Variants in ARHGEF26 observed in about 807,000 individuals in gnomAD.
ARHGEF26 encodes the protein Rho guanine nucleotide exchange factor (GEF) 26.
In ARHGEF26, 59 loss-of-function variants were observed where a neutral mutation model predicts 89.4. The observed-to-expected ratio is 0.66, with a 90% CI of 0.54 to 0.82. ARHGEF26 has a LOEUF of 0.82. Among genes scored for constraint, ARHGEF26 ranks in the 40% least tolerant of loss-of-function variants. ARHGEF26 has a pLI of 0.00. For missense variants in ARHGEF26, 1,234 were observed against 1,085.6 expected, an observed-to-expected ratio of 1.14 and a Z score of -1.92; for synonymous variants, 500 against 428.4, an observed-to-expected ratio of 1.17 and a Z score of -2.06.
chr3:154,224,612 C>T (rs1014843909), intron 10 of ARHGEF26, among the ~76,000 whole-genome samples: 1 of 152,160 alleles, frequency 6.6e-6, no homozygotes, highest in Non-Finnish European at 1.5e-5. Flanking sequence ...TATGTGCTGC[C>T]TAGTCTGCCG....
chr3:154,235,651 G>A (rs357501), intron 11 of ARHGEF26, among the ~76,000 whole-genome samples: 60,576 of 151,978 alleles, frequency 0.4, 12,110 homozygotes, highest in Admixed American at 0.41. Context: ...ACTTTTACTT[G>A]TAAAATGGTT....
In ARHGEF26 at chr3:154,255,989, T is replaced by G. The variant is rs1202052133; in HGVS notation, c.*516T>G. On this transcript the variant is annotated 3_prime_UTR_variant, in exon 15 of 15. Coordinates refer to ENST00000465093, the MANE Select transcript of ARHGEF26 (RefSeq NM_015595.4). Reference sequence around the variant, plus strand: ...TTAACTTCAAAAGGAACTGGTAGAGTTCAGAAGGTGAGCTGTTGTTTTTCT... The same window carrying G: ...TTAACTTCAAAAGGAACTGGTAGAGGTCAGAAGGTGAGCTGTTGTTTTTCT... 2 of 985,720 alleles carry G rather than the reference T, an allele frequency of 2.0e-6. No homozygotes were observed. The highest frequency in any genetic ancestry group is 3.5e-5 in the African/African-American group (2 of 57,176). The allele number at this position is 985,720 out of a possible 1,614,324, so 61.1% of individuals were successfully genotyped here.
chr3:154,164,619 G>A (rs951646200), intron 6 of ARHGEF26, among the ~76,000 whole-genome samples: 2 of 152,110 alleles, frequency 1.3e-5, no homozygotes, highest in Non-Finnish European at 2.9e-5. Flanking sequence ...AAGAAAAACT[G>A]TCTCTGTATT....
intron 12 of ARHGEF26, among the ~76,000 whole-genome samples, chr3:154,251,264 T>C (rs993618901): frequency 7.9e-5 from 12 of 152,070 alleles, no homozygotes; most frequent in African/African-American, 2.7e-4. Context: ...AATATTTTCT[T>C]TTCAAGATTG....
In ARHGEF26 at chr3:154,122,641, C is replaced by T. The variant is rs766809191; in HGVS notation, c.649C>T (p.Leu217Phe). 1.9e-6 allele frequency: 3 copies of T among 1,613,926 alleles called. No individual in the cohort carries two copies. Among genetic ancestry groups the T allele is most frequent in the South Asian group, 2.2e-5 (2 of 91,088 alleles). Reference protein sequence around the residue: ...QKSSSEQKLPLQRLPSQENEL... With the variant: ...QKSSSEQKLPFQRLPSQENEL... ...AAGTTCTTCGGAACAAAAACTCCCC[C>T]TCCAAAGGCTGCCCTCCCAGGAGAA... Residue 217 changes from leucine (L) to phenylalanine (F), a missense_variant, in exon 2 of 15, where the codon CTC (leucine) becomes TTC (phenylalanine). By Grantham distance (22) the Leu-to-Phe change is conservative (BLOSUM62 0). Coordinates refer to ENST00000465093, the MANE Select transcript of ARHGEF26 (RefSeq NM_015595.4).
intron 6 of ARHGEF26, among the ~76,000 whole-genome samples, chr3:154,177,862 ACAAGCCCCGGC>A (rs1419567929): frequency 3.9e-5 from 6 of 152,216 alleles, no homozygotes; most frequent in Non-Finnish European, 7.3e-5. Context: ...ACTAGCTGAT[ACAAGCCCCGGC>A]CCTCCATCCA....
intron 9 of ARHGEF26, among the ~76,000 whole-genome samples, chr3:154,197,908 T>G (rs1714385561): frequency 6.6e-6 from 1 of 152,128 alleles, no homozygotes; most frequent in Non-Finnish European, 1.5e-5. Context: ...CAAATGAATC[T>G]TCCCTGTTAT....
intron 9 of ARHGEF26, among the ~76,000 whole-genome samples, chr3:154,201,203 T>G (rs1284665790): frequency 2.0e-5 from 3 of 147,168 alleles, no homozygotes; most frequent in Admixed American, 6.8e-5. Context: ...CCTTCATGTG[T>G]CCATGTGTTC....
chr3:154,240,318 G>A, intron 11 of ARHGEF26, 52 bp from the exon 12 acceptor site: 1 of 1,410,546 alleles, frequency 7.1e-7, no homozygotes, highest in Non-Finnish European at 9.7e-7. Context: ...AACTGACAAT[G>A]TCAGTCTTAT....
intron 6 of ARHGEF26, among the ~76,000 whole-genome samples, chr3:154,187,380 A>ATTT (rs35918903): frequency 7.9e-5 from 10 of 127,062 alleles, no homozygotes; most frequent in Non-Finnish European, 1.3e-4. Context: ...CAATAACTTG[A>ATTT]TTTTTTTTTT....
intron 11 of ARHGEF26, among the ~76,000 whole-genome samples, chr3:154,237,538 TCACACACACA>T (rs71152796): frequency 7.3e-4 from 105 of 143,298 alleles, no homozygotes; most frequent in African/African-American, 2.4e-3. Context: ...TGAGACTCCG[TCACACACACA>T]CACACACACA....
At chr3:154,238,755 G>A (rs1717273825) in intron 11 of ARHGEF26, among the ~76,000 whole-genome samples, 1 of 152,196 alleles carries the variant, frequency 6.6e-6, no homozygotes, top group Admixed American at 6.5e-5. Context: ...TCGCAAGGGT[G>A]CAGGTGCAGA....
chr3:154,166,310 A>C (rs750216669), intron 6 of ARHGEF26, among the ~76,000 whole-genome samples: 3 of 152,180 alleles, frequency 2.0e-5, no homozygotes, highest in Non-Finnish European at 4.4e-5. Flanking sequence ...TTGGCCTCCC[A>C]AAATGCTGGG....
At chr3:154,215,512 A>G (rs1715665672) in intron 9 of ARHGEF26, among the ~76,000 whole-genome samples, 1 of 151,894 alleles carries the variant, frequency 6.6e-6, no homozygotes, top group Admixed American at 6.6e-5. Context: ...TTAATGAATA[A>G]TATTTTAGAA....
chr3:154,250,773 T>G (rs1284189038), intron 12 of ARHGEF26, among the ~76,000 whole-genome samples: 1 of 152,246 alleles, frequency 6.6e-6, no homozygotes, highest in Non-Finnish European at 1.5e-5. Flanking sequence ...ACACTTCTAT[T>G]CATGAGGTAT....
chr3:154,235,201 G>A (rs1242842335), intron 11 of ARHGEF26, among the ~76,000 whole-genome samples: 2 of 151,766 alleles, frequency 1.3e-5, no homozygotes, highest in Non-Finnish European at 2.9e-5. Flanking sequence ...TTTAAATTAT[G>A]TATTAATTTA....
chr3:154,151,756 C>T (rs1205744251), intron 5 of ARHGEF26, among the ~76,000 whole-genome samples: 2 of 152,106 alleles, frequency 1.3e-5, no homozygotes, highest in African/African-American at 4.8e-5. Flanking sequence ...AAATATGGAG[C>T]ACCCATCAGC....
intron 12 of ARHGEF26, among the ~76,000 whole-genome samples, chr3:154,248,148 C>T (rs577198376): frequency 1.3e-5 from 2 of 152,308 alleles, no homozygotes; most frequent in South Asian, 4.1e-4. Flanking sequence ...CAGTGATGAA[C>T]ACAAACTTTC....
intron 9 of ARHGEF26, among the ~76,000 whole-genome samples, chr3:154,196,732 C>G (rs980993795): frequency 2.6e-5 from 4 of 152,112 alleles, no homozygotes; most frequent in African/African-American, 9.7e-5. Context: ...GCCAGTGGTG[C>G]TTCCTCCAAG....
Sources: allele counts gnomAD v4.1 joint callset (sites outside exome capture counted in the v4.1 genomes callset), GRCh38; gene constraint gnomAD v4.1.1; transcripts MANE v1.5; gene names NCBI Gene and HGNC (gene_info 2026-07-23, HGNC 2026-07-21).